The following ACTA2 variants were observed in gnomAD, a reference collection of about 807,000 sequenced individuals.
The protein encoded by ACTA2 is actin alpha 2, smooth muscle, also known as actin, aortic smooth muscle.
In ACTA2, 12 loss-of-function variants were observed where a neutral mutation model predicts 39.5. That is an observed-to-expected ratio of 0.30 (90% CI 0.19 to 0.49). The LOEUF (loss-of-function observed/expected upper bound fraction) is 0.49. Among genes scored for constraint, ACTA2 ranks in the 20% least tolerant of loss-of-function variants. ACTA2 has a pLI of 0.99. For synonymous variants in ACTA2, 158 were observed against 180.6 expected (o/e 0.88, Z 1.00); for missense variants, 236 against 498.8 (o/e 0.47, Z 5.02).
In ACTA2 at chr10:88,944,208, G is replaced by A. The variant is rs573748857; in HGVS notation, c.259-301C>T. 1.2e-4 allele frequency among the ~76,000 whole-genome samples: 18 copies of A among 152,214 alleles called. No homozygotes were observed. The East Asian group carries it at 1.5e-3, about 13-fold the overall frequency. On this transcript the variant is annotated intron_variant, in intron 3 of 8. Transcript: ENST00000224784. The stretch of plus-strand genomic sequence containing the variant: ...AAACCTTGGGTTCAAAGCCCAGCTC[G>A]GACACTTCTTAGTTGTGTGAGCTTA...
At chr10:88,950,746 C>A (rs2133278412) in intron 1 of ACTA2, among the ~76,000 whole-genome samples, 1 of 152,316 alleles carries the variant, frequency 6.6e-6, no homozygotes, top group East Asian at 1.9e-4. Context: ...TGTGTGATTT[C>A]AGTTATTTAA....
At chr10:88,941,751 T>C in intron 5 of ACTA2, 34 bp downstream of exon 5, 1 of 1,585,494 alleles carries the variant, frequency 6.3e-7, no homozygotes, top group Non-Finnish European at 8.6e-7. Context: ...GGCAGTGCGC[T>C]CCAACCAGCT....
chr10:88,989,829 T>G (rs1847059987), intron 1 of ACTA2, among the ~76,000 whole-genome samples: 1 of 152,164 alleles, frequency 6.6e-6, no homozygotes, highest in African/African-American at 2.4e-5. Flanking sequence ...TACTGAAACC[T>G]TTAGTGTGTC....
intron 1 of ACTA2, among the ~76,000 whole-genome samples, chr10:88,975,564 T>C (rs1846543731): frequency 6.6e-6 from 1 of 151,868 alleles, no homozygotes; most frequent in Non-Finnish European, 1.5e-5. Context: ...TATCAGCAAA[T>C]AAATGTGTGG....
In ACTA2 at chr10:88,972,442, G is replaced by A. The variant is rs1030332286; in HGVS notation, c.-24+18497C>T. ...TATTTTTAGTCTGTTAATATTTAATGTAATATTTGATACAGTTCGATTTAG... is the reference window on the plus strand; with the variant it reads ...TATTTTTAGTCTGTTAATATTTAATATAATATTTGATACAGTTCGATTTAG... On this transcript the variant is annotated intron_variant, in intron 1 of 4. Coordinates refer to the ACTA2 transcript ENST00000415557. Among the ~76,000 whole-genome samples the A allele has an allele frequency of 2.6e-5, 4 of 152,244 alleles. No individual in the cohort carries two copies. In the South Asian group the frequency reaches 6.2e-4, roughly 24 times the overall value.
At chr10:88,946,162 G>A (rs1420322697) in intron 3 of ACTA2, among the ~76,000 whole-genome samples, 1 of 151,988 alleles carries the variant, frequency 6.6e-6, no homozygotes. Flanking sequence ...AACAGCTGAT[G>A]GTATGATCAG....
chr10:88,958,763 C>G (rs1273520755), intron 1 of ACTA2, among the ~76,000 whole-genome samples: 1 of 152,192 alleles, frequency 6.6e-6, no homozygotes, highest in Non-Finnish European at 1.5e-5. Context: ...ACTGCCCCAG[C>G]TTCCTAGTGA....
chr10:88,939,269 T>C, intron 7 of ACTA2: 1 of 567,194 alleles, frequency 1.8e-6, no homozygotes, highest in African/African-American at 1.9e-5. Flanking sequence ...TCTTTCATCA[T>C]ACACCATGAA....
In ACTA2 at chr10:88,941,256, C is replaced by T. The variant is rs1413607287; in HGVS notation, c.589G>A (p.Glu197Lys). The change falls in exon 6 of 9, where the codon GAG (glutamate) becomes AAG (lysine). Residue 197 changes from glutamate to lysine, a missense_variant. Transcript: ENST00000224784. ...LTDYLMKILT[E>K]RGYSFVTTAE... is the part of the protein sequence containing the mutation. ...GTAGTAACGAAGGAATAGCCACGCT[C>T]AGTCAGGATCTTCATGAGGTAGTCA... 1 of 1,614,016 alleles carries T rather than the reference C, an allele frequency of 6.2e-7. No homozygotes were observed. The highest frequency in any genetic ancestry group is 1.7e-5 in the Admixed American group (1 of 60,024).
chr10:88,954,271 C>A (rs1413706676), upstream of ACTA2, among the ~76,000 whole-genome samples: 2 of 152,102 alleles, frequency 1.3e-5, no homozygotes, highest in Non-Finnish European at 2.9e-5. Context: ...TGAAGAATTG[C>A]ACTATTGATT....
intron 1 of ACTA2, among the ~76,000 whole-genome samples, chr10:88,960,969 A>G (rs1405855177): frequency 6.6e-6 from 1 of 152,114 alleles, no homozygotes; most frequent in African/African-American, 2.4e-5. Flanking sequence ...TAATTAGTGC[A>G]TTGTTCAATT....
intron 1 of ACTA2, chr10:88,973,169 G>C (rs1589417953): frequency 2.5e-6 from 4 of 1,608,888 alleles, no homozygotes; most frequent in South Asian, 1.1e-5. Flanking sequence ...CCTTTCTTCT[G>C]TGTGACCTAT....
intron 3 of ACTA2, 69 bp from the exon 4 acceptor site, chr10:88,943,976 G>A: frequency 7.0e-7 from 1 of 1,419,222 alleles, no homozygotes; most frequent in Admixed American, 1.7e-5. Flanking sequence ...TTCCCAAAAA[G>A]GGACCAGAAG....
intron 1 of ACTA2, chr10:88,973,079 C>CA (rs1488303550): frequency 6.0e-6 from 8 of 1,331,560 alleles, no homozygotes; most frequent in Non-Finnish European, 8.1e-6. Flanking sequence ...CTTAGTCTTT[C>CA]AAAAAATAAT....
chr10:88,951,404 C>A (rs570093812), intron 1 of ACTA2, among the ~76,000 whole-genome samples: 1 of 151,628 alleles, frequency 6.6e-6, no homozygotes, highest in East Asian at 1.9e-4. Context: ...TTTTGTTGGG[C>A]AGTGATGGCT....
chr10:88,977,497 C>T lies in ACTA2; in HGVS notation c.-24+13442G>A, dbSNP rs577691365. On this transcript the variant is annotated intron_variant, in intron 1 of 4. Coordinates refer to the ACTA2 transcript ENST00000415557. ...GTAGATATGCGGCGTTCAACCTACT[C>T]ATCTGACAAAGGGCTAATATCCAGA... 2.0e-5 allele frequency among the ~76,000 whole-genome samples: 3 copies of T among 152,208 alleles called. No homozygotes were observed. In the East Asian group the frequency reaches 5.8e-4, roughly 29 times the overall value.
chr10:88,962,951 ATATATATATATATATATATATATAT>A (rs1564653492), intron 1 of ACTA2, among the ~76,000 whole-genome samples: 3 of 15,174 alleles, frequency 2.0e-4, no homozygotes, highest in African/African-American at 1.9e-3. Context: ...ATATATATAT[ATATATATATATATATATATATATAT>A]AATATTTTTT....
rs766688231 is a variant in ACTA2, at chr10:88,990,732, C to A, written c.-24+207G>T. On this transcript the variant is annotated intron_variant, in intron 1 of 4. Coordinates refer to the ACTA2 transcript ENST00000415557. The surrounding 1 kb of genome is among the most constrained non-coding windows in gnomAD (Gnocchi z 4.9). Reference sequence around the variant, plus strand: ...CGGTTTACGAGTGACTTGGCTGGAGCCTCAGGGGCGGGCACTGGCACGGAA... The same window carrying A: ...CGGTTTACGAGTGACTTGGCTGGAGACTCAGGGGCGGGCACTGGCACGGAA... 5 of 935,948 alleles carry A rather than the reference C, an allele frequency of 5.3e-6. No homozygotes were observed. The highest frequency in any genetic ancestry group is 4.0e-5 in the South Asian group (3 of 74,210). 58.0% of individuals were successfully genotyped at this position (935,948 alleles called of 1,614,324 possible).
intron 1 of ACTA2, among the ~76,000 whole-genome samples, chr10:88,982,206 CAAT>C (rs1401919798): frequency 6.6e-6 from 1 of 152,060 alleles, no homozygotes; most frequent in East Asian, 1.9e-4. Context: ...ATTGTGCACA[CAAT>C]AAGAAGACCT....
Sources: gnomAD v4.1 joint callset for allele counts (sites outside exome capture counted in the v4.1 genomes callset) on GRCh38, gnomAD v4.1.1 for gene constraint, Gnocchi (gnomAD v3.1) non-coding constraint, MANE v1.5 for transcripts, NCBI Gene and HGNC (gene_info 2026-07-23, HGNC 2026-07-21) for gene names.